The following PSCA variants were observed in gnomAD, a reference collection of about 807,000 sequenced individuals.
PSCA encodes the protein prostate stem cell antigen.
A neutral mutation model predicts 7.9 loss-of-function variants in PSCA; 7 were observed. The observed-to-expected ratio is 0.89, with a 90% CI of 0.51 to 1.67. PSCA has a LOEUF of 1.67. Among genes scored for constraint, PSCA ranks in the 40% most tolerant of loss-of-function variants. The probability of loss-of-function intolerance (pLI) is 0.00; values close to 1 mark genes in which losing one functional copy is unlikely to be tolerated. For missense variants in PSCA, 151 were observed against 147.9 expected, an observed-to-expected ratio of 1.02 and a Z score of -0.11; for synonymous variants, 61 against 68.3, an observed-to-expected ratio of 0.89 and a Z score of 0.53.
At position 142,673,491 on chromosome 8, in the gene PSCA, C is replaced by G. The variant is rs1166171156; in HGVS notation, n.261+2923C>G. The stretch of plus-strand genomic sequence containing the variant: ...AATCACCCAGTGGGTTCATTTTGAC[C>G]CCTGGCAAGATAGAGCTGATTTAGC... On this transcript the variant is annotated intron_variant and non_coding_transcript_variant, in intron 1 of 1. Coordinates refer to the PSCA transcript ENST00000505305. The surrounding 1 kb of genome is among the most constrained non-coding windows in gnomAD (Gnocchi z 4.6). Among the ~76,000 whole-genome samples the G allele has an allele frequency of 1.3e-5, 2 of 152,186 alleles. No individual in the cohort carries two copies. Among genetic ancestry groups the G allele is most frequent in the Non-Finnish European group, 2.9e-5 (2 of 68,036 alleles).
Position 142,674,828 on chromosome 8 carries a change from C to T in PSCA, n.261+4260C>T, listed in dbSNP as rs183528182. Among the ~76,000 whole-genome samples, 26 of 152,360 alleles carry T rather than the reference C, an allele frequency of 1.7e-4. No individual in the cohort carries two copies. In the East Asian group the frequency reaches 4.0e-3, roughly 24 times the overall value. ...TCTGCACTGGCTTCCCCATCTCCAC[C>T]CACAGTCAGAGTGGCATTTGACAGG... On this transcript the variant is annotated intron_variant and non_coding_transcript_variant, in intron 1 of 1. Transcript: ENST00000505305.
intron 1 of PSCA, among the ~76,000 whole-genome samples, chr8:142,674,759 A>G (rs1847378082): frequency 6.6e-6 from 1 of 152,036 alleles, no homozygotes; most frequent in Non-Finnish European, 1.5e-5. Flanking sequence ...TTCCCTACTG[A>G]GCGGAGCCTC....
intron 1 of PSCA, among the ~76,000 whole-genome samples, chr8:142,671,526 A>G (rs587649833): frequency 1.4e-4 from 22 of 152,316 alleles, no homozygotes; most frequent in South Asian, 2.1e-4. Context: ...CAGCAATAAT[A>G]AACAAATACA....
rs782260537 is a variant in PSCA, at chr8:142,681,995, G to T, written c.208G>T (p.Val70Leu). 6 of 1,612,020 alleles carry T rather than the reference G, an allele frequency of 3.7e-6. No homozygotes were observed. The highest frequency in any genetic ancestry group is 5.1e-6 in the Non-Finnish European group (6 of 1,179,198). ...CGTGGATGACTCACAGGACTACTAC[G>T]TGGGCAAGAAGAACATCACGTGCTG... ...NCVDDSQDYY[V>L]GKKNITCCDT... Residue 70 changes from valine (V) to leucine (L), a missense_variant, in exon 3 of 3, where the codon GTG becomes TTG. Val to Leu is a conservative substitution (Grantham distance 32). Transcript: ENST00000301258.
At position 142,682,483 on chromosome 8, in the gene PSCA, A is replaced by G. The variant is rs1194588256; in HGVS notation, c.*351A>G. On this transcript the variant is annotated 3_prime_UTR_variant, in exon 3 of 3. Transcript: ENST00000301258. ...GCCCACCCCATCTATGACTTGAGCC[A>G]GGTCTGGTCCGTGGTGTCCCCCGCA... is the stretch of plus-strand genomic sequence containing the variant. 7.1e-6 allele frequency: 4 copies of G among 562,504 alleles called. No homozygotes were observed. In the East Asian group the frequency reaches 1.6e-4, roughly 23 times the overall value. The allele number at this position is 562,504 out of a possible 1,614,324, so 34.8% of individuals were successfully genotyped here.
chr8:142,672,111 C>T (rs1847339921), intron 1 of PSCA, among the ~76,000 whole-genome samples: 1 of 152,222 alleles, frequency 6.6e-6, no homozygotes, highest in Non-Finnish European at 1.5e-5. Context: ...TTTGATCCTC[C>T]AGCCCAGCCT....
chr8:142,680,722 C>G, intron 1 of PSCA, 159 bp downstream of exon 1: 1 of 974,150 alleles, frequency 1.0e-6, no homozygotes, highest in Non-Finnish European at 1.5e-6. Context: ...CAGGGAAGCT[C>G]TTGGCACGAC....
At position 142,682,339 on chromosome 8, in the gene PSCA, T is replaced by G. The variant is rs1045547; in HGVS notation, c.*207T>G. On this transcript the variant is annotated 3_prime_UTR_variant, in exon 3 of 3. Coordinates refer to ENST00000301258, the MANE Select transcript of PSCA (RefSeq NM_005672.5). The stretch of plus-strand genomic sequence containing the variant: ...ACTCCCACCCGGCAGATCGGCTCTA[T>G]TGACACAGATCCGCCTGCAGATGGC... 329,797 of 719,522 alleles carry G rather than the reference T, an allele frequency of 0.46. 76,941 individuals carry two copies. The highest frequency in any genetic ancestry group is 0.54 in the Admixed American group (26,955 of 49,932). 44.6% of individuals were successfully genotyped at this position (719,522 alleles called of 1,614,324 possible).
intron 1 of PSCA, 145 bp downstream of exon 1, chr8:142,680,708 C>A: frequency 8.7e-7 from 1 of 1,147,230 alleles, no homozygotes. Context: ...AGCCTCCGCT[C>A]CTCCAGGGAA....
At chr8:142,681,204 G>A in intron 1 of PSCA, 123 bp from the exon 2 acceptor site, 2 of 663,688 alleles carry the variant, frequency 3.0e-6, no homozygotes, top group South Asian at 3.7e-5. Flanking sequence ...GACATTGAGG[G>A]TGACAAGAGG....
upstream of PSCA, among the ~76,000 whole-genome samples, chr8:142,679,430 T>G (rs1554638097): frequency 6.6e-6 from 1 of 152,008 alleles, no homozygotes; most frequent in Non-Finnish European, 1.5e-5. Flanking sequence ...AGAGCCAAAC[T>G]CTGTAAAATA....
intron 1 of PSCA, chr8:142,680,872 T>G: frequency 1.8e-6 from 1 of 546,426 alleles, no homozygotes; most frequent in Non-Finnish European, 3.3e-6. Flanking sequence ...TGGGCAGAGA[T>G]GCTGATGAGG....
chr8:142,680,292 A>G (rs1554638152), upstream of PSCA: 1 of 550,846 alleles, frequency 1.8e-6, no homozygotes, highest in Non-Finnish European at 3.3e-6. Flanking sequence ...GGTGGCTGAG[A>G]TATGGCCCTG....
upstream of PSCA, among the ~76,000 whole-genome samples, chr8:142,679,532 AG>A (rs1847437629): frequency 6.6e-6 from 1 of 152,192 alleles, no homozygotes; most frequent in Non-Finnish European, 1.5e-5. Context: ...CAAGGTGGTC[AG>A]TGCACAGCTT....
chr8:142,675,663 ACT>A (rs782819055), upstream of PSCA, among the ~76,000 whole-genome samples: 4 of 152,094 alleles, frequency 2.6e-5, no homozygotes, highest in South Asian at 4.2e-4. Context: ...CCTCTCTCAC[ACT>A]CTCACACACA....
intron 1 of PSCA, among the ~76,000 whole-genome samples, chr8:142,674,810 T>G (rs1847379352): frequency 6.6e-6 from 1 of 152,208 alleles, no homozygotes; most frequent in Non-Finnish European, 1.5e-5. Flanking sequence ...GCTTCTGCAC[T>G]GGCTTCCCCA....
In PSCA at chr8:142,673,764, G is replaced by C. The variant is rs1375023490; in HGVS notation, n.261+3196G>C. ...ACCGGCTGCGGGGTTGGTGGGCCTC[G>C]CTAGAGCCATCCATCAGTCATTAGA... is the stretch of plus-strand genomic sequence containing the variant. On this transcript the variant is annotated intron_variant and non_coding_transcript_variant, in intron 1 of 1. Transcript: ENST00000505305. This position sits in a 1 kb window ranked among gnomAD's most constrained non-coding sequence, Gnocchi z 4.6. Among the ~76,000 whole-genome samples, 1 of 152,178 alleles carries C rather than the reference G, an allele frequency of 6.6e-6. No homozygotes were observed. The highest frequency in any genetic ancestry group is 1.5e-5 in the Non-Finnish European group (1 of 68,038).
chr8:142,676,087 A>T (rs1228656095), upstream of PSCA: 3 of 152,250 alleles, frequency 2.0e-5, no homozygotes, highest in Non-Finnish European at 4.4e-5. Context: ...CCCCGGCCTC[A>T]TGCCCTGCAC....
intron 2 of PSCA, 32 bp from the exon 3 acceptor site, chr8:142,681,889 C>A (rs1157304377): frequency 2.7e-6 from 4 of 1,475,076 alleles, no homozygotes; most frequent in South Asian, 2.7e-5. Context: ...GCACACAGGG[C>A]AGCCCCATCC....
Sources: allele counts gnomAD v4.1 joint callset (sites outside exome capture counted in the v4.1 genomes callset), GRCh38; gene constraint gnomAD v4.1.1; non-coding constraint Gnocchi (gnomAD v3.1); transcripts MANE v1.5; gene names NCBI Gene and HGNC (gene_info 2026-07-23, HGNC 2026-07-21).